Variants in CNTNAP2 observed in about 807,000 individuals in gnomAD.
The protein encoded by CNTNAP2 is contactin-associated protein-like 2.
CNTNAP2 carries 98 observed loss-of-function variants against 155.2 expected under a neutral mutation model. The ratio of observed to expected loss-of-function variants is 0.63; its 90% CI spans 0.54 to 0.75. The LOEUF is 0.75. Ranked by LOEUF, CNTNAP2 falls within the 30% of genes least tolerant of loss-of-function variation. The pLI is 0.00. For missense variants in CNTNAP2, 1,727 were observed against 1,688.1 expected (o/e 1.02, Z -0.40); for synonymous variants, 651 against 631.2 (o/e 1.03, Z -0.47).
At chr7:146,331,880 G>A (rs1801194073) in intron 1 of CNTNAP2, among the ~76,000 whole-genome samples, 1 of 152,122 alleles carries the variant, frequency 6.6e-6, no homozygotes, top group African/African-American at 2.4e-5. Flanking sequence ...TGCTTTTAAT[G>A]TTTCTGAGAA....
At chr7:148,338,726 C>T (rs1253995419) in intron 21 of CNTNAP2, among the ~76,000 whole-genome samples, 3 of 152,078 alleles carry the variant, frequency 2.0e-5, no homozygotes, top group Non-Finnish European at 2.9e-5. Flanking sequence ...AAGAAAAATA[C>T]TTGATTTTGT....
chr7:146,965,647 T>C (rs1797642933), intron 3 of CNTNAP2, among the ~76,000 whole-genome samples: 4 of 152,180 alleles, frequency 2.6e-5, no homozygotes, highest in Admixed American at 1.3e-4. Context: ...AAGAGGACCC[T>C]TAAAAGTTTT....
At chr7:147,359,158 C>T (rs922077383) in intron 9 of CNTNAP2, among the ~76,000 whole-genome samples, 3 of 152,146 alleles carry the variant, frequency 2.0e-5, no homozygotes, top group African/African-American at 7.2e-5. Flanking sequence ...AAACTGTGCT[C>T]TTAATCTTTG....
At chr7:147,641,315 G>A (rs1795274999) in intron 13 of CNTNAP2, among the ~76,000 whole-genome samples, 1 of 152,224 alleles carries the variant, frequency 6.6e-6, no homozygotes, top group South Asian at 2.1e-4. Flanking sequence ...TATAGACAGA[G>A]TACCCTCTAA....
intron 13 of CNTNAP2, among the ~76,000 whole-genome samples, chr7:147,792,034 C>A (rs1411111514): frequency 6.6e-6 from 1 of 152,190 alleles, no homozygotes; most frequent in Non-Finnish European, 1.5e-5. Context: ...TAATTAGAAG[C>A]ATTCTTTGCT....
In CNTNAP2 at chr7:147,562,269, A is replaced by G; in HGVS notation, c.1897+12A>G. 2 of 1,613,686 alleles carry G rather than the reference A, an allele frequency of 1.2e-6. No individual in the cohort carries two copies. Among genetic ancestry groups the G allele is most frequent in the South Asian group, 2.2e-5 (2 of 91,064 alleles). On this transcript the variant is annotated intron_variant, in intron 12 of 23. Transcript: ENST00000361727. ...CTGCAACATGACAGGTAACTGTGTC[A>G]TATTTATGTTTTATGAAGATGCTTT... is the stretch of plus-strand genomic sequence containing the variant.
chr7:147,465,138 T>G (rs1180920257), intron 10 of CNTNAP2, among the ~76,000 whole-genome samples: 2 of 152,082 alleles, frequency 1.3e-5, no homozygotes, highest in African/African-American at 2.4e-5. Flanking sequence ...GAGTAGACAC[T>G]GGGGACTCCA....
chr7:148,360,392 C>G (rs897823943), intron 21 of CNTNAP2, among the ~76,000 whole-genome samples: 11 of 152,082 alleles, frequency 7.2e-5, no homozygotes, highest in African/African-American at 2.4e-4. Flanking sequence ...AATTGCTTCT[C>G]CAAATGAAAA....
intron 13 of CNTNAP2, among the ~76,000 whole-genome samples, chr7:147,654,881 T>G (rs1795502941): frequency 6.9e-6 from 1 of 145,196 alleles, no homozygotes; most frequent in Non-Finnish European, 1.5e-5. Context: ...TGGTGTGATC[T>G]TGGCTCACTG....
intron 1 of CNTNAP2, among the ~76,000 whole-genome samples, chr7:146,191,328 C>T (rs550345415): frequency 5.6e-4 from 85 of 152,018 alleles, no homozygotes; most frequent in Non-Finnish European, 3.7e-4. Flanking sequence ...AGGGAGTGTA[C>T]GAATAGGGTG....
intron 1 of CNTNAP2, among the ~76,000 whole-genome samples, chr7:146,735,143 A>G (rs562488719): frequency 6.6e-6 from 1 of 152,352 alleles, no homozygotes; most frequent in South Asian, 2.1e-4. Context: ...CAGAAAGCAT[A>G]CATCTTTTTT....
At chr7:147,584,395 G>A (rs1200587586) in intron 12 of CNTNAP2, among the ~76,000 whole-genome samples, 3 of 152,080 alleles carry the variant, frequency 2.0e-5, no homozygotes, top group Non-Finnish European at 4.4e-5. Context: ...TTCAAGGCGG[G>A]CAAATCTTTA....
intron 12 of CNTNAP2, among the ~76,000 whole-genome samples, chr7:147,570,572 A>G (rs534585443): frequency 1.2e-4 from 18 of 152,360 alleles, no homozygotes; most frequent in Middle Eastern, 3.4e-3. Context: ...TATTTTATAC[A>G]GGTACCTGCA....
chr7:146,646,314 T>C (rs1278316652), intron 1 of CNTNAP2, among the ~76,000 whole-genome samples: 4 of 152,154 alleles, frequency 2.6e-5, no homozygotes. Flanking sequence ...ATGTGAATGC[T>C]CACTAGTTTG....
At chr7:148,371,294 A>G (rs1018529734) in intron 21 of CNTNAP2, among the ~76,000 whole-genome samples, 6 of 152,190 alleles carry the variant, frequency 3.9e-5, no homozygotes, top group Admixed American at 1.3e-4. Context: ...GGTGTGTCCT[A>G]TACAATTTGG....
At chr7:148,189,936 AG>A (rs1795177667) in intron 18 of CNTNAP2, 1 of 152,264 alleles carries the variant, frequency 6.6e-6, no homozygotes, top group Admixed American at 6.5e-5. Flanking sequence ...TAGTGTCTGG[AG>A]GGGCTTCTTT....
At chr7:146,205,816 AAT>A (rs1798937980) in intron 1 of CNTNAP2, among the ~76,000 whole-genome samples, 1 of 151,870 alleles carries the variant, frequency 6.6e-6, no homozygotes, top group African/African-American at 2.4e-5. Context: ...ATGTTTTAGG[AAT>A]ATGTTTTTTG....
intron 10 of CNTNAP2, among the ~76,000 whole-genome samples, chr7:147,450,119 T>C (rs1231156686): frequency 6.6e-6 from 1 of 152,232 alleles, no homozygotes; most frequent in Non-Finnish European, 1.5e-5. Flanking sequence ...ACTTTCAGAT[T>C]ATCCAAATCA....
rs61732853 is a variant in CNTNAP2, at chr7:146,839,820, C to T, written c.318C>T (p.Ser106=). Residue 106 remains serine (S), a synonymous_variant, in exon 3 of 24, where the codon AGC becomes AGT. Transcript: ENST00000361727. ...TTGCAACCCAAGGAAGGTATAGCAG[C>T]TCAGATTGGGTGACCCAATACCGGA... ...SAIATQGRYS[S]SDWVTQYRML... The T allele has an allele frequency of 3.7e-3, 6,027 of 1,614,084 alleles. 128 individuals are homozygous for T. The African/African-American group carries it at 0.057, about 15-fold the overall frequency.
Sources: gnomAD v4.1 joint callset for allele counts (sites outside exome capture counted in the v4.1 genomes callset) on GRCh38, gnomAD v4.1.1 for gene constraint, MANE v1.5 for transcripts, NCBI Gene and HGNC (gene_info 2026-07-23, HGNC 2026-07-21) for gene names.